The following TTC7A variants were observed in gnomAD, a reference collection of about 807,000 sequenced individuals.
TTC7A encodes the protein tetratricopeptide repeat protein 7A.
A neutral mutation model predicts 103.7 loss-of-function variants in TTC7A; 110 were observed. The ratio of observed to expected loss-of-function variants is 1.06; its 90% CI spans 0.91 to 1.24. TTC7A has a LOEUF of 1.24. Among genes scored for constraint, TTC7A ranks in the 50% most tolerant of loss-of-function variants. The pLI is 0.00. For missense variants in TTC7A, 1,340 were observed against 1,116.3 expected (o/e 1.20, Z -2.86); for synonymous variants, 521 against 467.9 (o/e 1.11, Z -1.47).
chr2:46,978,416 A>G (rs1290325248), intron 4 of TTC7A, among the ~76,000 whole-genome samples: 4 of 152,198 alleles, frequency 2.6e-5, no homozygotes, highest in Non-Finnish European at 1.5e-5. Context: ...ATGAATTTAA[A>G]GCTCTGTGAT....
chr2:46,966,784 C>T (rs374922951), intron 3 of TTC7A, among the ~76,000 whole-genome samples: 2,038 of 117,040 alleles, frequency 0.017, 53 homozygotes, highest in African/African-American at 0.056. Context: ...GAGTCACCAC[C>T]CCCAGCTTTT....
intron 1 of TTC7A, among the ~76,000 whole-genome samples, chr2:46,947,778 A>G (rs1217065478): frequency 1.3e-5 from 2 of 152,206 alleles, no homozygotes; most frequent in Non-Finnish European, 2.9e-5. Flanking sequence ...GAATTGCTAG[A>G]AAAATAAAAG....
At chr2:47,004,973 T>C (rs2104448056) in intron 8 of TTC7A, among the ~76,000 whole-genome samples, 1 of 152,280 alleles carries the variant, frequency 6.6e-6, no homozygotes, top group South Asian at 2.1e-4. Flanking sequence ...ACATCCTTGA[T>C]GGGGAGCTTC....
At position 47,007,582 on chromosome 2, in the gene TTC7A, G is replaced by A. The variant is rs1417039713; in HGVS notation, c.1287+858G>A. 1.3e-5 allele frequency among the ~76,000 whole-genome samples: 2 copies of A among 152,126 alleles called. No homozygotes were observed. The highest frequency in any genetic ancestry group is 1.9e-4 in the East Asian group (1 of 5,172). ...ACGTTCCATTTCTGGCCCCGCAGCC[G>A]TCTCTGAGGAGGGCCCTCCTGGCTT... On this transcript the variant is annotated intron_variant, in intron 10 of 19. Coordinates refer to ENST00000319190, the MANE Select transcript of TTC7A (RefSeq NM_020458.4). This position sits in a 1 kb window ranked among gnomAD's most constrained non-coding sequence, Gnocchi z 4.9.
intron 19 of TTC7A, among the ~76,000 whole-genome samples, chr2:47,066,393 G>A (rs1684184233): frequency 6.6e-6 from 1 of 152,130 alleles, no homozygotes; most frequent in African/African-American, 2.4e-5. Context: ...TCCCAAGGCG[G>A]GACCTGAGTC....
Position 46,941,760 on chromosome 2 carries a change from A to G in TTC7A, c.184+35A>G. The stretch of plus-strand genomic sequence containing the variant: ...GGAAGAGGCTGGCTCGCCGGCAGCG[A>G]GCGCGCGAAACGCACCGCCTCCTCC... On this transcript the variant is annotated intron_variant, in intron 1 of 19. Transcript: ENST00000319190. The surrounding 1 kb of genome is among the most constrained non-coding windows in gnomAD (Gnocchi z 4.2). 1 of 1,546,744 alleles carries G rather than the reference A, an allele frequency of 6.5e-7. No homozygotes were observed. Among genetic ancestry groups the G allele is most frequent in the African/African-American group, 1.4e-5 (1 of 73,016 alleles).
At chr2:46,922,655 G>T (rs115733769) in intron 2 of TTC7A, among the ~76,000 whole-genome samples, 1 of 151,962 alleles carries the variant, frequency 6.6e-6, no homozygotes, top group African/African-American at 2.4e-5. Flanking sequence ...AGGTGTGAGA[G>T]GTAGAAACCA....
intron 11 of TTC7A, among the ~76,000 whole-genome samples, chr2:47,018,068 G>C (rs1211283930): frequency 6.6e-6 from 1 of 152,064 alleles, no homozygotes; most frequent in African/African-American, 2.4e-5. Context: ...CTTGAGGTCA[G>C]GAGTTTGAGA....
At chr2:46,947,828 A>G (rs762379849) in intron 1 of TTC7A, among the ~76,000 whole-genome samples, 4 of 152,248 alleles carry the variant, frequency 2.6e-5, no homozygotes, top group Non-Finnish European at 5.9e-5. Context: ...TTTTAGTATT[A>G]GATTTCAACA....
Position 46,941,641 on chromosome 2 carries a change from C to G in TTC7A, c.100C>G (p.Arg34Gly), listed in dbSNP as rs1471937600. The G allele has an allele frequency of 6.4e-7, 1 of 1,553,232 alleles. No individual in the cohort carries two copies. The highest frequency in any genetic ancestry group is 1.4e-5 in the African/African-American group (1 of 73,276). The change falls in exon 1 of 20, where the codon CGG becomes GGG. Residue 34 changes from arginine to glycine, a missense_variant. Coordinates refer to ENST00000319190, the MANE Select transcript of TTC7A (RefSeq NM_020458.4). This position sits in a 1 kb window ranked among gnomAD's most constrained non-coding sequence, Gnocchi z 4.2. ...GHWDRMPELVRQLQTLSMPGG... is the reference protein window; with the variant it reads ...GHWDRMPELVGQLQTLSMPGG... ...CTGGGACCGCATGCCGGAGCTGGTCCGGCAGCTGCAGACGCTGAGCATGCC... is the reference window on the plus strand; with the variant it reads ...CTGGGACCGCATGCCGGAGCTGGTCGGGCAGCTGCAGACGCTGAGCATGCC...
At chr2:47,020,000 C>T (rs557426216) in intron 11 of TTC7A, among the ~76,000 whole-genome samples, 1 of 152,306 alleles carries the variant, frequency 6.6e-6, no homozygotes, top group Non-Finnish European at 1.5e-5. Flanking sequence ...ACCTGATAAG[C>T]TCTTGGAGTT....
chr2:46,970,538 C>T (rs1272489194), intron 3 of TTC7A, among the ~76,000 whole-genome samples: 1 of 152,238 alleles, frequency 6.6e-6, no homozygotes, highest in African/African-American at 2.4e-5. Context: ...AGCCCAGCCT[C>T]AGCACATCTC....
At chr2:47,026,268 G>T (rs1353964706) in intron 14 of TTC7A, among the ~76,000 whole-genome samples, 2 of 152,236 alleles carry the variant, frequency 1.3e-5, no homozygotes, top group African/African-American at 4.8e-5. Flanking sequence ...CGTAGCCCAG[G>T]ATAATCAGGT....
At position 47,057,112 on chromosome 2, in the gene TTC7A, G is replaced by C. The variant is rs531053575; in HGVS notation, c.2153-3657G>C. On this transcript the variant is annotated intron_variant, in intron 18 of 19. Coordinates refer to ENST00000319190, the MANE Select transcript of TTC7A (RefSeq NM_020458.4). The stretch of plus-strand genomic sequence containing the variant: ...CAGCTATCTGACCATGGCTAGCAAA[G>C]CGTCGAGCAGGAGCCGAAGGCATCT... Among the ~76,000 whole-genome samples, 58 of 152,372 alleles carry C rather than the reference G, an allele frequency of 3.8e-4. 1 individual carries two copies. Among genetic ancestry groups the C allele is most frequent in the Admixed American group, 3.1e-3 (48 of 15,312 alleles).
chr2:47,029,145 T>C, intron 14 of TTC7A, 79 bp from the exon 15 acceptor site: 1 of 1,547,166 alleles, frequency 6.5e-7, no homozygotes, highest in East Asian at 2.3e-5. Flanking sequence ...GTGAGTGCCC[T>C]TGTTGACTGG....
At chr2:46,986,130 G>A (rs995087314) in intron 5 of TTC7A, among the ~76,000 whole-genome samples, 7 of 152,242 alleles carry the variant, frequency 4.6e-5, no homozygotes, top group African/African-American at 1.4e-4. Context: ...CAGAATACCT[G>A]TCAGATACTG....
intron 19 of TTC7A, among the ~76,000 whole-genome samples, chr2:47,069,837 T>G (rs537996108): frequency 7.9e-5 from 12 of 152,346 alleles, no homozygotes; most frequent in Admixed American, 3.9e-4. Flanking sequence ...CCAGCAGCCC[T>G]GGTGTCCCCA....
intron 2 of TTC7A, among the ~76,000 whole-genome samples, chr2:46,954,566 CT>C (rs35548270): frequency 0.044 from 5,357 of 121,224 alleles, 72 homozygotes; most frequent in Non-Finnish European, 0.06. Context: ...AACTAAGAGC[CT>C]TTTTTTTTTT....
chr2:46,985,653 A>G (rs945968144), intron 5 of TTC7A, among the ~76,000 whole-genome samples: 1 of 152,030 alleles, frequency 6.6e-6, no homozygotes. Flanking sequence ...TCACAGGTGT[A>G]GACCCCATGA....
Sources: allele counts gnomAD v4.1 joint callset (sites outside exome capture counted in the v4.1 genomes callset), GRCh38; gene constraint gnomAD v4.1.1; non-coding constraint Gnocchi (gnomAD v3.1); transcripts MANE v1.5; gene names NCBI Gene and HGNC (gene_info 2026-07-23, HGNC 2026-07-21).